NISCH: variants seen among roughly 807,000 people sequenced by gnomAD.
The protein encoded by NISCH is I-1 receptor candidate protein.
NISCH carries 55 observed loss-of-function variants against 138.4 expected under a neutral mutation model. The observed-to-expected ratio is 0.40, with a 90% CI of 0.32 to 0.50. NISCH has a LOEUF of 0.50. NISCH is among the 20% of genes least tolerant of loss of function. The pLI is 0.71. For synonymous variants in NISCH, 860 were observed against 861.5 expected, an observed-to-expected ratio of 1.00 and a Z score of 0.03; for missense variants, 1,643 against 2,005.5, an observed-to-expected ratio of 0.82 and a Z score of 3.45.
At chr3:52,457,211 C>T (rs940505510) in intron 1 of NISCH, among the ~76,000 whole-genome samples, 1 of 152,200 alleles carries the variant, frequency 6.6e-6, no homozygotes, top group Non-Finnish European at 1.5e-5. Context: ...ATGGCAGAAC[C>T]AGGTTTTTAA....
intron 1 of NISCH, 30 bp from the exon 2 acceptor site, chr3:52,457,813 G>A: frequency 6.5e-7 from 1 of 1,547,532 alleles, no homozygotes; most frequent in Admixed American, 1.7e-5. Context: ...GGGCTCCCTT[G>A]CCACAAGGGC....
At chr3:52,488,635 C>G (rs768853749) in intron 16 of NISCH, 30 bp downstream of exon 16, 1 of 1,551,026 alleles carries the variant, frequency 6.4e-7, no homozygotes, top group South Asian at 1.2e-5. Flanking sequence ...TCAGGGGCCC[C>G]GGGGGCATGG....
Position 52,480,231 on chromosome 3 carries a change from C to T in NISCH, c.1464C>T (p.Ser488=). The T allele has an allele frequency of 6.2e-7, 1 of 1,613,988 alleles. No homozygotes were observed. ...CAGCTGCCCCCTGCATCAGACCCAG[C>T]AGCTCCCCTCCCACTGTGGCTCCCG... ...RLSAAPCIRP[S]SSPPTVAPAS... Residue 488 remains serine (S), a synonymous_variant, in exon 13 of 21, where the codon AGC becomes AGT. Coordinates refer to ENST00000345716, the MANE Select transcript of NISCH (RefSeq NM_007184.4).
chr3:52,473,394 C>T (rs543521233), intron 6 of NISCH, among the ~76,000 whole-genome samples: 89 of 152,276 alleles, frequency 5.8e-4, no homozygotes, highest in African/African-American at 2.0e-3. Context: ...CCACCCCACT[C>T]GCTGTGCTGT....
chr3:52,460,096 G>T (rs1706588974), intron 3 of NISCH, among the ~76,000 whole-genome samples: 2 of 142,096 alleles, frequency 1.4e-5, no homozygotes, highest in South Asian at 2.3e-4. Flanking sequence ...CAGGAGAATC[G>T]CTTGAACCCA....
chr3:52,486,752 G>T (rs1194245685), intron 15 of NISCH, among the ~76,000 whole-genome samples: 1 of 152,222 alleles, frequency 6.6e-6, no homozygotes, highest in Non-Finnish European at 1.5e-5. Context: ...GCCAAGAAGA[G>T]CTGGAATTTA....
chr3:52,492,247 C>G lies in NISCH; in HGVS notation c.4280C>G (p.Pro1427Arg), dbSNP rs144845982. ...DRVLMGYQTY[P>R]QALTLVFDDV... Reference sequence around the variant, plus strand: ...GTGCTCATGGGCTACCAGACCTACCCGCAGGCCCTCACCCTCGTCTTCGAT... The same window carrying G: ...GTGCTCATGGGCTACCAGACCTACCGGCAGGCCCTCACCCTCGTCTTCGAT... Residue 1427 changes from proline (P) to arginine (R), a missense_variant, in exon 21 of 21, where the codon CCG becomes CGG. Coordinates refer to ENST00000345716, the MANE Select transcript of NISCH (RefSeq NM_007184.4). 19 of 1,613,100 alleles carry G rather than the reference C, an allele frequency of 1.2e-5. No homozygotes were observed. In the Admixed American group the frequency reaches 3.0e-4, roughly 25 times the overall value.
chr3:52,476,133 A>G (rs1446117871), intron 7 of NISCH, among the ~76,000 whole-genome samples: 2 of 152,128 alleles, frequency 1.3e-5, no homozygotes, highest in African/African-American at 4.8e-5. Context: ...GCGAGACTCC[A>G]TCTCAAAAAA....
intron 16 of NISCH, 58 bp downstream of exon 16, chr3:52,488,663 T>A (rs1707477971): frequency 7.2e-7 from 1 of 1,387,722 alleles, no homozygotes; most frequent in African/African-American, 1.4e-5. Flanking sequence ...ATGTGTGTGA[T>A]CTCAGCATCT....
At chr3:52,491,647 G>A (rs1415054776) in intron 20 of NISCH, 134 bp downstream of exon 20, 1 of 1,184,658 alleles carries the variant, frequency 8.4e-7, no homozygotes, top group Middle Eastern at 2.1e-4. Flanking sequence ...AGGGTTTTAT[G>A]TGGGGCTTTT....
At chr3:52,464,769 C>T (rs998500802) in intron 3 of NISCH, among the ~76,000 whole-genome samples, 4 of 152,106 alleles carry the variant, frequency 2.6e-5, no homozygotes, top group Non-Finnish European at 4.4e-5. Flanking sequence ...AGGTGATACA[C>T]CTGTCTCAGC....
chr3:52,473,225 A>G (rs1420534546), intron 6 of NISCH, among the ~76,000 whole-genome samples: 1 of 152,188 alleles, frequency 6.6e-6, no homozygotes, highest in Non-Finnish European at 1.5e-5. Flanking sequence ...GTGAAGGGGA[A>G]ACCCGACCCA....
chr3:52,477,485 G>A (rs1707131068), intron 8 of NISCH, 89 bp from the exon 9 acceptor site: 1 of 1,083,796 alleles, frequency 9.2e-7, no homozygotes, highest in African/African-American at 1.5e-5. Context: ...TCGGGAGGAA[G>A]CGTCCTGGGG....
intron 13 of NISCH, chr3:52,484,219 G>A (rs1023573631): frequency 5.8e-6 from 2 of 346,136 alleles, no homozygotes; most frequent in Non-Finnish European, 1.1e-5. Context: ...TTTAAAAAAT[G>A]TGTCTGTGGA....
At position 52,458,696 on chromosome 3, in the gene NISCH, T is replaced by G. The variant is rs980978042; in HGVS notation, c.212T>G (p.Leu71Arg). 2.5e-6 allele frequency: 4 copies of G among 1,613,526 alleles called. No individual in the cohort carries two copies. The highest frequency in any genetic ancestry group is 3.3e-5 in the Admixed American group (2 of 59,846). The change falls in exon 3 of 21, where the codon CTT becomes CGT. Residue 71 changes from leucine to arginine, a missense_variant. Physicochemically the swap from Leu to Arg is moderately radical, Grantham distance 102. Transcript: ENST00000345716. ...GAGAGAAAGATTGATAAAAATCTGC[T>G]TCCGCCCAAAAAGATAATTGGGAAA... ...VAERKIDKNL[L>R]PPKKIIGKNS...
At chr3:52,490,619 A>G in intron 18 of NISCH, 86 bp from the exon 19 acceptor site, 2 of 1,576,756 alleles carry the variant, frequency 1.3e-6, no homozygotes, top group Non-Finnish European at 1.7e-6. Flanking sequence ...AGCCAAGAGG[A>G]CCTGTTCCTG....
intron 4 of NISCH, 116 bp downstream of exon 4, chr3:52,471,023 T>C (rs1429817700): frequency 9.0e-6 from 9 of 1,004,900 alleles, no homozygotes; most frequent in Middle Eastern, 2.2e-4. Flanking sequence ...CCCCTGTAGG[T>C]GGCCAGGTCT....
At chr3:52,466,888 A>C (rs1706795247) in intron 3 of NISCH, among the ~76,000 whole-genome samples, 1 of 152,216 alleles carries the variant, frequency 6.6e-6, no homozygotes, top group Non-Finnish European at 1.5e-5. Flanking sequence ...ACACCAACAC[A>C]GAATCCCGGC....
intron 1 of NISCH, among the ~76,000 whole-genome samples, chr3:52,457,622 C>G (rs1706511223): frequency 6.6e-6 from 1 of 152,158 alleles, no homozygotes; most frequent in Admixed American, 6.5e-5. Context: ...GTGCTTGGGC[C>G]ATGGAGGAAG....
Sources: gnomAD v4.1 joint callset for allele counts (sites outside exome capture counted in the v4.1 genomes callset) on GRCh38, gnomAD v4.1.1 for gene constraint, MANE v1.5 for transcripts, NCBI Gene and HGNC (gene_info 2026-07-23, HGNC 2026-07-21) for gene names.